The following ZYG11B variants were observed in gnomAD, a reference collection of about 807,000 sequenced individuals.
ZYG11B encodes zyg-11 family member B, cell cycle regulator.
In ZYG11B, 36 loss-of-function variants were observed where a neutral mutation model predicts 82.4. The observed-to-expected ratio is 0.44, with a 90% CI of 0.33 to 0.58. The LOEUF (loss-of-function observed/expected upper bound fraction) is 0.58, where lower values mean the gene tolerates loss of function less well. Ranked by LOEUF, ZYG11B falls within the 20% of genes least tolerant of loss-of-function variation. ZYG11B has a pLI of 0.02. For missense variants in ZYG11B, 552 were observed against 895.6 expected (o/e 0.62, Z 4.90); for synonymous variants, 303 against 312.8 (o/e 0.97, Z 0.33).
chr1:52,779,931 G>T lies in ZYG11B; in HGVS notation c.1030G>T (p.Ala344Ser). ...TGAACGGGCATTCTTTGTTCGGGAA[G>T]CTCTATTTCATCTTTTTAGTCTGAC... is the stretch of plus-strand genomic sequence containing the variant. ...YSERAFFVRE[A>S]LFHLFSLTHV... Residue 344 changes from alanine (A) to serine (S), a missense_variant, in exon 4 of 14, where the codon GCT (alanine) becomes TCT (serine). Ala to Ser is a moderately conservative substitution (Grantham distance 99). Coordinates refer to ENST00000294353, the MANE Select transcript of ZYG11B (RefSeq NM_024646.3). The T allele has an allele frequency of 1.9e-6, 3 of 1,614,136 alleles. No homozygotes were observed. The highest frequency in any genetic ancestry group is 2.5e-6 in the Non-Finnish European group (3 of 1,180,016).
chr1:52,812,024 A>T (rs7528327), intron 10 of ZYG11B, among the ~76,000 whole-genome samples: 1 of 151,850 alleles, frequency 6.6e-6, no homozygotes, highest in Non-Finnish European at 1.5e-5. Flanking sequence ...GCGAGACTCC[A>T]TCTAAAAAAA....
intron 5 of ZYG11B, among the ~76,000 whole-genome samples, chr1:52,785,665 G>A (rs1225973980): frequency 3.9e-5 from 6 of 152,114 alleles, no homozygotes; most frequent in African/African-American, 1.2e-4. Context: ...ACATGTTGGT[G>A]AGGATAGTCT....
chr1:52,791,175 G>A (rs1250729404), intron 6 of ZYG11B, among the ~76,000 whole-genome samples: 2 of 151,798 alleles, frequency 1.3e-5, no homozygotes, highest in Non-Finnish European at 1.5e-5. Flanking sequence ...GTTTCACCAC[G>A]TTGGCCATGC....
At position 52,771,583 on chromosome 1, in the gene ZYG11B, A is replaced by G; in HGVS notation, c.760A>G (p.Ile254Val). Residue 254 changes from isoleucine to valine, a missense_variant, in exon 3 of 14, where the codon ATA (isoleucine) becomes GTA (valine). This residue lies in a region of ZYG11B where 359 missense variants were observed against 555.8 expected (regional missense o/e 0.65). Coordinates refer to ENST00000294353, the MANE Select transcript of ZYG11B (RefSeq NM_024646.3). This position sits in a 1 kb window ranked among gnomAD's most constrained non-coding sequence, Gnocchi z 5.4. Reference sequence around the variant, plus strand: ...AGATGATAAACAGTTTACATCAGACATAGCTCTTCGCTTACTAGAACAAAA... The same window carrying G: ...AGATGATAAACAGTTTACATCAGACGTAGCTCTTCGCTTACTAGAACAAAA... ...ISDDKQFTSD[I>V]ALRLLEQKDI... The G allele has an allele frequency of 8.7e-6, 14 of 1,614,238 alleles. No individual in the cohort carries two copies. The highest frequency in any genetic ancestry group is 1.2e-5 in the Non-Finnish European group (14 of 1,180,044).
At chr1:52,765,050 ATCT>A (rs1246139299) in intron 2 of ZYG11B, among the ~76,000 whole-genome samples, 3 of 150,394 alleles carry the variant, frequency 2.0e-5, no homozygotes, top group African/African-American at 7.3e-5. Context: ...TTTCTGAGTG[ATCT>A]TTTTTTTTTT....
chr1:52,743,402 T>TAAAAAAAAA (rs71044414), intron 1 of ZYG11B, among the ~76,000 whole-genome samples: 92 of 69,054 alleles, frequency 1.3e-3, no homozygotes, highest in Non-Finnish European at 1.7e-3. Context: ...CAATAAATAC[T>TAAAAAAAAA]AAAAAAAAAA....
intron 12 of ZYG11B, 151 bp downstream of exon 12, chr1:52,814,063 C>A: frequency 1.3e-6 from 1 of 772,028 alleles, no homozygotes; most frequent in Non-Finnish European, 2.1e-6. Flanking sequence ...ACTCCGTCGC[C>A]ATGGCTGGAG....
intron 3 of ZYG11B, among the ~76,000 whole-genome samples, chr1:52,778,943 A>G (rs960806600): frequency 4.6e-5 from 7 of 152,124 alleles, no homozygotes; most frequent in African/African-American, 1.7e-4. Flanking sequence ...AACGCTAGCT[A>G]TTGTGGTACA....
intron 4 of ZYG11B, among the ~76,000 whole-genome samples, chr1:52,783,788 TTATA>T (rs760749281): frequency 3.9e-5 from 2 of 51,502 alleles, no homozygotes; most frequent in Non-Finnish European, 3.3e-5. Context: ...ATGCCCAGCT[TTATA>T]TATATATATA....
chr1:52,770,160 T>G (rs149591564), intron 2 of ZYG11B, among the ~76,000 whole-genome samples: 1 of 149,354 alleles, frequency 6.7e-6, no homozygotes, highest in East Asian at 2.0e-4. Flanking sequence ...GGTGCAATCA[T>G]AATTCACTAT....
At chr1:52,767,041 A>C (rs1335786076) in intron 2 of ZYG11B, among the ~76,000 whole-genome samples, 1 of 149,590 alleles carries the variant, frequency 6.7e-6, no homozygotes, top group East Asian at 1.9e-4. Context: ...TATTTATTTT[A>C]TGTTATTTTA....
chr1:52,750,267 G>A (rs1644509886), intron 1 of ZYG11B, among the ~76,000 whole-genome samples: 1 of 123,856 alleles, frequency 8.1e-6, no homozygotes. Context: ...CTGGCCCCCA[G>A]CAACTATTTT....
intron 2 of ZYG11B, 103 bp from the exon 3 acceptor site, chr1:52,770,917 G>A (rs553060840): frequency 1.6e-6 from 2 of 1,236,304 alleles, no homozygotes; most frequent in East Asian, 4.7e-5. Context: ...TATCAGACGA[G>A]ATACTGTTAC....
intron 2 of ZYG11B, among the ~76,000 whole-genome samples, chr1:52,758,796 A>G (rs1644601766): frequency 6.6e-6 from 1 of 152,174 alleles, no homozygotes; most frequent in Non-Finnish European, 1.5e-5. Flanking sequence ...CCAACCTGTC[A>G]TAGGAACTAG....
intron 1 of ZYG11B, among the ~76,000 whole-genome samples, chr1:52,737,898 G>A (rs1049278869): frequency 3.9e-5 from 6 of 152,252 alleles, no homozygotes; most frequent in South Asian, 2.1e-4. Context: ...CCCCTGAGGG[G>A]AAAAGAGGTT....
At position 52,728,440 on chromosome 1, in the gene ZYG11B, T is replaced by C. The variant is rs144507405; in HGVS notation, c.30+1757T>C. On this transcript the variant is annotated intron_variant, in intron 1 of 13. Coordinates refer to ENST00000294353, the MANE Select transcript of ZYG11B (RefSeq NM_024646.3). ...CCCCGCTAATTTGTAAAACTTTTTG[T>C]AGAAATGGAGTCTTGCTGTGTTGCC... 3.0e-3 allele frequency among the ~76,000 whole-genome samples: 451 copies of C among 152,310 alleles called. 1 individual carries two copies. Among genetic ancestry groups the C allele is most frequent in the African/African-American group, 0.01 (418 of 41,568 alleles).
chr1:52,800,135 G>T (rs543662852), intron 8 of ZYG11B, among the ~76,000 whole-genome samples: 2 of 151,838 alleles, frequency 1.3e-5, no homozygotes, highest in African/African-American at 2.4e-5. Flanking sequence ...AATTAGCTGG[G>T]CTTGGTGACA....
chr1:52,793,782 C>A (rs1025531002), intron 6 of ZYG11B, among the ~76,000 whole-genome samples: 1 of 152,064 alleles, frequency 6.6e-6, no homozygotes, highest in Non-Finnish European at 1.5e-5. Context: ...TATGGCCCCA[C>A]GCTAAAGTCC....
chr1:52,795,795 C>T (rs886276784), intron 6 of ZYG11B, among the ~76,000 whole-genome samples: 4 of 152,058 alleles, frequency 2.6e-5, no homozygotes, highest in Non-Finnish European at 5.9e-5. Flanking sequence ...GATTTATTAC[C>T]TGTCTTCCTC....
Sources: allele counts gnomAD v4.1 joint callset (sites outside exome capture counted in the v4.1 genomes callset), GRCh38; gene constraint gnomAD v4.1.1; regional missense constraint gnomAD v4.1.1; non-coding constraint Gnocchi (gnomAD v3.1); transcripts MANE v1.5; gene names NCBI Gene and HGNC (gene_info 2026-07-23, HGNC 2026-07-21).